Variants in LRRTM4 observed in about 807,000 individuals in gnomAD.
The protein encoded by LRRTM4 is leucine rich repeat transmembrane neuronal 4.
LRRTM4 carries 25 observed loss-of-function variants against 47.6 expected under a neutral mutation model. That is an observed-to-expected ratio of 0.53 (90% CI 0.38 to 0.73). The LOEUF (loss-of-function observed/expected upper bound fraction) is 0.73. Ranked by LOEUF, LRRTM4 falls within the 30% of genes least tolerant of loss-of-function variation. The pLI, the probability that LRRTM4 is intolerant of heterozygous loss-of-function variation, is 0.00. For missense variants in LRRTM4, 638 were observed against 713.4 expected (o/e 0.89, Z 1.20); for synonymous variants, 311 against 269.5 (o/e 1.15, Z -1.51).
chr2:77,305,633 A>G (rs1677250175), intron 3 of LRRTM4, among the ~76,000 whole-genome samples: 2 of 152,130 alleles, frequency 1.3e-5, no homozygotes, highest in East Asian at 3.9e-4. Flanking sequence ...TTTTCATTGC[A>G]TATCCATGTG....
chr2:76,925,305 G>A (rs1196921445), intron 3 of LRRTM4, among the ~76,000 whole-genome samples: 1 of 152,106 alleles, frequency 6.6e-6, no homozygotes, highest in Non-Finnish European at 1.5e-5. Flanking sequence ...GCAGATGACA[G>A]CCTCAATCCT....
At chr2:77,145,773 C>CAAAA (rs1184021203) in intron 3 of LRRTM4, among the ~76,000 whole-genome samples, 1 of 111,380 alleles carries the variant, frequency 9.0e-6, no homozygotes, top group Non-Finnish European at 1.7e-5. Context: ...GGCTCCGTCT[C>CAAAA]AAAAAATAAA....
At chr2:77,049,145 T>TATATATATATATAC (rs1358889632) in intron 3 of LRRTM4, among the ~76,000 whole-genome samples, 1 of 133,822 alleles carries the variant, frequency 7.5e-6, no homozygotes, top group East Asian at 2.1e-4. Context: ...TATATATATA[T>TATATATATATATAC]ATATATATAT....
At chr2:77,372,713 T>A (rs1377158989) in intron 3 of LRRTM4, among the ~76,000 whole-genome samples, 1 of 151,762 alleles carries the variant, frequency 6.6e-6, no homozygotes, top group Non-Finnish European at 1.5e-5. Flanking sequence ...AATATACTGT[T>A]GTAGTTGCTA....
intron 3 of LRRTM4, among the ~76,000 whole-genome samples, chr2:77,345,044 T>G (rs191444200): frequency 1.2e-3 from 178 of 151,044 alleles, no homozygotes; most frequent in African/African-American, 4.0e-3. Flanking sequence ...AATACTGTAA[T>G]TAATTATACA....
At chr2:76,855,058 A>C (rs1159957907) in intron 3 of LRRTM4, among the ~76,000 whole-genome samples, 1 of 152,172 alleles carries the variant, frequency 6.6e-6, no homozygotes, top group East Asian at 1.9e-4. Context: ...AAAATTTTGA[A>C]AGAGAAGAAA....
At chr2:77,300,747 G>A (rs1477565939) in intron 3 of LRRTM4, among the ~76,000 whole-genome samples, 1 of 152,034 alleles carries the variant, frequency 6.6e-6, no homozygotes, top group Non-Finnish European at 1.5e-5. Context: ...TGTTCATTTA[G>A]TGCTTATCAA....
chr2:77,410,698 T>C (rs966402124), intron 3 of LRRTM4, among the ~76,000 whole-genome samples: 30 of 152,314 alleles, frequency 2.0e-4, no homozygotes, highest in Admixed American at 1.0e-3. Context: ...TTTCTACTCA[T>C]TCCATCATGA....
intron 3 of LRRTM4, among the ~76,000 whole-genome samples, chr2:77,138,749 G>A (rs1672026088): frequency 1.3e-5 from 2 of 151,956 alleles, no homozygotes; most frequent in African/African-American, 2.4e-5. Context: ...GAAGAAAAGA[G>A]AGAAGAATCA....
In LRRTM4 at chr2:76,748,720, A is replaced by T. The variant is rs757157139; in HGVS notation, c.1748T>A (p.Ile583Asn). The T allele has an allele frequency of 1.5e-5, 24 of 1,612,480 alleles. No homozygotes were observed. In the Admixed American group the frequency reaches 4.0e-4, roughly 27 times the overall value. Residue 583 changes from isoleucine to asparagine, a missense_variant, in exon 4 of 4, where the codon ATC (isoleucine) becomes AAC (asparagine). Transcript: ENST00000409884. ...ATIARSAAPAIYLERIAN is the reference protein window; with the variant it reads ...ATIARSAAPANYLERIAN ...TTAGTTTGCAATTCTCTCTAGGTAGATGGCCGGTGCTGCCGACCTGGCGAT... is the reference window on the plus strand; with the variant it reads ...TTAGTTTGCAATTCTCTCTAGGTAGTTGGCCGGTGCTGCCGACCTGGCGAT...
At chr2:76,835,580 G>C (rs1243355925) in intron 3 of LRRTM4, among the ~76,000 whole-genome samples, 1 of 152,010 alleles carries the variant, frequency 6.6e-6, no homozygotes, top group Non-Finnish European at 1.5e-5. Context: ...TAAATGCTCT[G>C]ATCATAAGTA....
intron 3 of LRRTM4, among the ~76,000 whole-genome samples, chr2:76,796,827 G>A (rs1223727173): frequency 6.6e-6 from 1 of 152,172 alleles, no homozygotes; most frequent in Non-Finnish European, 1.5e-5. Flanking sequence ...AGTGAAGAAG[G>A]CAGACGCCTC....
chr2:77,431,231 T>C (rs1675365055), intron 3 of LRRTM4, among the ~76,000 whole-genome samples: 1 of 149,080 alleles, frequency 6.7e-6, no homozygotes, highest in South Asian at 2.1e-4. Flanking sequence ...GAACCCTGAC[T>C]AATATAGAAA....
At chr2:76,782,965 AG>A (rs1674481574) in intron 3 of LRRTM4, among the ~76,000 whole-genome samples, 1 of 152,202 alleles carries the variant, frequency 6.6e-6, no homozygotes, top group South Asian at 2.1e-4. Context: ...CAAAGATTGT[AG>A]ATTTCTTAAA....
At chr2:77,516,749 C>T in intron 3 of LRRTM4, 1 of 967,650 alleles carries the variant, frequency 1.0e-6, no homozygotes, top group Non-Finnish European at 1.2e-6. Context: ...TCTGGGATTA[C>T]TTCTCTTATT....
At chr2:76,807,393 T>TATAC (rs1670522292) in intron 3 of LRRTM4, among the ~76,000 whole-genome samples, 3 of 120,854 alleles carry the variant, frequency 2.5e-5, no homozygotes, top group Admixed American at 1.8e-4. Context: ...TATATATATA[T>TATAC]ATATATGTAT....
chr2:77,127,493 CT>C (rs1189098424), intron 3 of LRRTM4, among the ~76,000 whole-genome samples: 1 of 152,168 alleles, frequency 6.6e-6, no homozygotes, highest in Non-Finnish European at 1.5e-5. Flanking sequence ...TCCTTCCACA[CT>C]GTACCAAAAT....
chr2:77,375,219 A>G (rs1672789444), intron 3 of LRRTM4, among the ~76,000 whole-genome samples: 1 of 151,762 alleles, frequency 6.6e-6, no homozygotes. Flanking sequence ...TGTAAATTCT[A>G]CTAGGAACAG....
Position 76,813,677 on chromosome 2 carries a change from C to CTGAT in LRRTM4, c.1552-64765_1552-64762dup, listed in dbSNP as rs1187132347. On this transcript the variant is annotated intron_variant, in intron 3 of 3. Transcript: ENST00000409884. ...TTTTCTTTTGAGTTTTGTATTAGGA[C>CTGAT]TGATTGATAGGCTTTAGGTTTTATT... Among the ~76,000 whole-genome samples, 10 of 152,090 alleles carry CTGAT rather than the reference C, an allele frequency of 6.6e-5. No individual in the cohort carries two copies. In the East Asian group the frequency reaches 1.9e-3, roughly 29 times the overall value.
Sources: gnomAD v4.1 joint callset for allele counts (sites outside exome capture counted in the v4.1 genomes callset) on GRCh38, gnomAD v4.1.1 for gene constraint, MANE v1.5 for transcripts, NCBI Gene and HGNC (gene_info 2026-07-23, HGNC 2026-07-21) for gene names.